The following IGSF11 variants were observed in gnomAD, a reference collection of about 807,000 sequenced individuals.
IGSF11 encodes the protein CXADR like 1.
A neutral mutation model predicts 41.0 loss-of-function variants in IGSF11; 22 were observed. That is an observed-to-expected ratio of 0.54 (90% CI 0.38 to 0.77). The LOEUF is 0.77. Ranked by LOEUF, IGSF11 falls within the 30% of genes least tolerant of loss-of-function variation. The pLI, the probability that IGSF11 is intolerant of heterozygous loss-of-function variation, is 0.00. For missense variants in IGSF11, 444 were observed against 530.8 expected (o/e 0.84, Z 1.61); for synonymous variants, 219 against 201.3 (o/e 1.09, Z -0.74).
At chr3:118,986,274 C>T (rs1233964236) in intron 1 of IGSF11, among the ~76,000 whole-genome samples, 2 of 152,182 alleles carry the variant, frequency 1.3e-5, no homozygotes, top group Non-Finnish European at 2.9e-5. Context: ...CTCTAAAGCA[C>T]CCATCGCACC....
intron 1 of IGSF11, among the ~76,000 whole-genome samples, chr3:119,100,541 C>T (rs113373951): frequency 1.3e-5 from 2 of 152,300 alleles, no homozygotes; most frequent in Admixed American, 6.5e-5. Flanking sequence ...CAAAATTGAT[C>T]TACTATTCAC....
chr3:119,059,621 G>A (rs1941990752), intron 1 of IGSF11, among the ~76,000 whole-genome samples: 1 of 152,048 alleles, frequency 6.6e-6, no homozygotes, highest in Admixed American at 6.6e-5. Context: ...GGGTATTGGT[G>A]GATGTGAGGC....
chr3:119,118,399 A>G (rs1198150750), intron 1 of IGSF11, among the ~76,000 whole-genome samples: 2 of 152,222 alleles, frequency 1.3e-5, no homozygotes, highest in African/African-American at 4.8e-5. Context: ...CATCCTCTGA[A>G]GCCACGGCCT....
chr3:119,086,331 G>A (rs1263658322), intron 1 of IGSF11, among the ~76,000 whole-genome samples: 1 of 152,108 alleles, frequency 6.6e-6, no homozygotes, highest in South Asian at 2.1e-4. Context: ...TTCAATCCAT[G>A]GAAATTTCTC....
At chr3:119,058,692 C>G (rs1941945684) in intron 1 of IGSF11, among the ~76,000 whole-genome samples, 1 of 152,186 alleles carries the variant, frequency 6.6e-6, no homozygotes, top group Admixed American at 6.5e-5. Context: ...TATTGCGGCA[C>G]TATTCACAAT....
intron 4 of IGSF11, among the ~76,000 whole-genome samples, chr3:118,911,727 G>C (rs547367142): frequency 6.6e-6 from 1 of 151,138 alleles, no homozygotes; most frequent in African/African-American, 2.5e-5. Flanking sequence ...GACACAGAGA[G>C]AGAGAGAGAG....
chr3:119,045,716 AGT>A (rs1477285388), intron 1 of IGSF11, among the ~76,000 whole-genome samples: 1 of 152,074 alleles, frequency 6.6e-6, no homozygotes, highest in Non-Finnish European at 1.5e-5. Flanking sequence ...AAAAGACAGC[AGT>A]AACCTCTGCA....
At chr3:119,096,046 T>TTTTATTTATTTA (rs55923645) in intron 1 of IGSF11, among the ~76,000 whole-genome samples, 2 of 151,652 alleles carry the variant, frequency 1.3e-5, no homozygotes, top group East Asian at 1.9e-4. Flanking sequence ...ATGAAAACTG[T>TTTTATTTATTTA]TTTATTTATT....
chr3:119,136,033 G>A (rs911020066), intron 1 of IGSF11, among the ~76,000 whole-genome samples: 2 of 152,148 alleles, frequency 1.3e-5, no homozygotes, highest in Non-Finnish European at 2.9e-5. Context: ...TGGACACGGG[G>A]AAGGGAACAT....
At chr3:118,928,447 G>A in intron 3 of IGSF11, 62 bp downstream of exon 3, 1 of 1,315,324 alleles carries the variant, frequency 7.6e-7, no homozygotes, top group Non-Finnish European at 1.1e-6. Context: ...GCAGAAGCAA[G>A]TATGCTTGAG....
At chr3:119,080,492 C>T (rs2076569919) in intron 1 of IGSF11, among the ~76,000 whole-genome samples, 1 of 152,204 alleles carries the variant, frequency 6.6e-6, no homozygotes, top group Admixed American at 6.5e-5. Context: ...TCTCTTATTT[C>T]TTAATAACAG....
chr3:119,128,519 A>G (rs1201839242), intron 1 of IGSF11, among the ~76,000 whole-genome samples: 3 of 152,202 alleles, frequency 2.0e-5, no homozygotes, highest in Non-Finnish European at 4.4e-5. Flanking sequence ...TTATGTGCAA[A>G]GACACACACA....
chr3:118,913,543 T>C (rs1940621788), intron 4 of IGSF11, among the ~76,000 whole-genome samples: 1 of 152,176 alleles, frequency 6.6e-6, no homozygotes, highest in African/African-American at 2.4e-5. Flanking sequence ...TAACCTAGCA[T>C]TTATACTCAC....
chr3:119,037,939 G>A (rs1940976266), upstream of IGSF11, among the ~76,000 whole-genome samples: 1 of 152,106 alleles, frequency 6.6e-6, no homozygotes, highest in African/African-American at 2.4e-5. Flanking sequence ...GTTTTGGTCT[G>A]TATTTGTCTA....
At chr3:119,140,287 A>G (rs868800275) in intron 1 of IGSF11, among the ~76,000 whole-genome samples, 7 of 152,202 alleles carry the variant, frequency 4.6e-5, no homozygotes, top group Middle Eastern at 3.2e-3. Context: ...ATTTTTTAAA[A>G]TATGCCATGC....
chr3:118,995,265 TG>T (rs1936154711), intron 1 of IGSF11, among the ~76,000 whole-genome samples: 1 of 152,176 alleles, frequency 6.6e-6, no homozygotes, highest in Non-Finnish European at 1.5e-5. Context: ...TGCTTTCAAA[TG>T]CAATGTTACA....
chr3:119,019,396 G>A (rs1939065435), intron 1 of IGSF11, among the ~76,000 whole-genome samples: 1 of 147,756 alleles, frequency 6.8e-6, no homozygotes, highest in Non-Finnish European at 1.5e-5. Flanking sequence ...CATACTAGAT[G>A]GGTGGCAGGG....
At chr3:118,908,943 T>C (rs1939934709) in intron 4 of IGSF11, among the ~76,000 whole-genome samples, 2 of 152,220 alleles carry the variant, frequency 1.3e-5, no homozygotes, top group African/African-American at 4.8e-5. Context: ...TATTTTAGTT[T>C]CCTCATCTGT....
At position 119,076,646 on chromosome 3, in the gene IGSF11, C is replaced by T. The variant is rs147368426; in HGVS notation, c.49+28498G>A. ...CAAAAGAAGACATTTATGCAGCCAA[C>T]AGACATACGAAAAAATGCTCATCAT... On this transcript the variant is annotated intron_variant, in intron 1 of 6. Coordinates refer to the IGSF11 transcript ENST00000354673. Among the ~76,000 whole-genome samples the T allele has an allele frequency of 5.8e-3, 890 of 152,270 alleles. 9 individuals are homozygous for T. The highest frequency in any genetic ancestry group is 0.021 in the African/African-American group (859 of 41,540).
Sources: allele counts gnomAD v4.1 joint callset (sites outside exome capture counted in the v4.1 genomes callset), GRCh38; gene constraint gnomAD v4.1.1; transcripts MANE v1.5; gene names NCBI Gene and HGNC (gene_info 2026-07-23, HGNC 2026-07-21).